The following SLC24A2 variants were observed in gnomAD, a reference collection of about 807,000 sequenced individuals.
SLC24A2 encodes the protein sodium/potassium/calcium exchanger 2.
SLC24A2 carries 36 observed loss-of-function variants against 62.0 expected under a neutral mutation model. That is an observed-to-expected ratio of 0.58 (90% confidence interval 0.44 to 0.77). The LOEUF is 0.77. Among genes scored for constraint, SLC24A2 ranks in the 30% least tolerant of loss-of-function variants. The probability of loss-of-function intolerance (pLI) is 0.00; values close to 1 mark genes in which losing one functional copy is unlikely to be tolerated. For missense variants in SLC24A2, 846 were observed against 817.9 expected (o/e 1.03, Z -0.42); for synonymous variants, 358 against 294.0 (o/e 1.22, Z -2.23).
intron 8 of SLC24A2, among the ~76,000 whole-genome samples, chr9:19,544,413 A>T (rs1834443806): frequency 6.6e-6 from 1 of 151,852 alleles, no homozygotes; most frequent in Admixed American, 6.6e-5. Flanking sequence ...TTAATTAGGG[A>T]ATTTATCACA....
In SLC24A2 at chr9:19,516,478, T is replaced by C. The variant is rs985581953; in HGVS notation, c.1737-76A>G. On this transcript the variant is annotated intron_variant, in intron 10 of 10. Transcript: ENST00000341998. ...TCAGACACGTTGAAGAAGGCAAATA[T>C]AACCTATTATTACCTTCTCAGGAAC... is the stretch of plus-strand genomic sequence containing the variant. The C allele has an allele frequency of 4.0e-6, 6 of 1,514,772 alleles. No homozygotes were observed. The East Asian group carries it at 1.2e-4, about 30-fold the overall frequency. The allele number at this position is 1,514,772 out of a possible 1,614,324, so 93.8% of individuals were successfully genotyped here.
chr9:19,564,425 G>A (rs1214738537), intron 7 of SLC24A2, among the ~76,000 whole-genome samples: 3 of 152,158 alleles, frequency 2.0e-5, no homozygotes, highest in Non-Finnish European at 4.4e-5. Context: ...CCTAAGAAGA[G>A]AAAGAGCTTA....
rs150257105 is a variant in SLC24A2, at chr9:19,652,454, G to A, written c.931-30155C>T. Among the ~76,000 whole-genome samples the A allele has an allele frequency of 9.6e-4, 146 of 151,962 alleles. 1 individual carries two copies. The East Asian group carries it at 0.027, about 28-fold the overall frequency. On this transcript the variant is annotated intron_variant, in intron 2 of 10. Coordinates refer to ENST00000341998, the MANE Select transcript of SLC24A2 (RefSeq NM_020344.4). ...AGGGTCCTCATAAGAGGGAGGCAAT[G>A]GAGTTAGAGAAAAAGGAGGTGTGAC... is the stretch of plus-strand genomic sequence containing the variant.
At chr9:19,530,157 G>T (rs534850399) in intron 8 of SLC24A2, among the ~76,000 whole-genome samples, 1 of 148,190 alleles carries the variant, frequency 6.7e-6, no homozygotes, top group Non-Finnish European at 1.5e-5. Flanking sequence ...GCTAAGAGAT[G>T]AAGTTTTCCA....
At chr9:19,995,437 G>A in the SLC24A2 span, among the ~76,000 whole-genome samples, 10 of 152,062 alleles carry the variant, frequency 6.6e-5, no homozygotes, top group African/African-American at 2.4e-4. Context: ...TATTCCCAGA[G>A]TACACTCATC....
the SLC24A2 span, among the ~76,000 whole-genome samples, chr9:20,030,247 A>G: frequency 6.6e-6 from 1 of 152,216 alleles, no homozygotes; most frequent in South Asian, 2.1e-4. Flanking sequence ...GTTCTATCAC[A>G]TTTGAAATTA....
At chr9:20,017,859 G>A in the SLC24A2 span, among the ~76,000 whole-genome samples, 5 of 152,214 alleles carry the variant, frequency 3.3e-5, no homozygotes, top group Admixed American at 6.5e-5. Context: ...TTTCCAGGTT[G>A]AGGGTGGGTC....
intron 2 of SLC24A2, among the ~76,000 whole-genome samples, chr9:19,743,487 A>G (rs1253873779): frequency 6.6e-6 from 1 of 152,148 alleles, no homozygotes; most frequent in African/African-American, 2.4e-5. Context: ...TTTGCTATTG[A>G]CCTAGGTTAG....
At chr9:20,093,089 T>A in the SLC24A2 span, among the ~76,000 whole-genome samples, 1 of 151,974 alleles carries the variant, frequency 6.6e-6, no homozygotes, top group Admixed American at 6.6e-5. Flanking sequence ...TTGTTTTTTT[T>A]AGACCGAGTT....
the SLC24A2 span, among the ~76,000 whole-genome samples, chr9:20,202,663 T>G: frequency 1.3e-5 from 2 of 152,164 alleles, no homozygotes; most frequent in East Asian, 3.9e-4. Flanking sequence ...ATTTAAATGC[T>G]CCAGAAAAGA....
the SLC24A2 span, among the ~76,000 whole-genome samples, chr9:19,964,276 G>T: frequency 6.6e-6 from 1 of 150,484 alleles, no homozygotes; most frequent in Admixed American, 6.6e-5. Flanking sequence ...GCTAAATGAC[G>T]AGTTAATGGG....
the SLC24A2 span, among the ~76,000 whole-genome samples, chr9:20,273,490 G>A: frequency 2.0e-5 from 3 of 152,156 alleles, no homozygotes; most frequent in Non-Finnish European, 4.4e-5. Context: ...ATTGAATCAT[G>A]GAGGCGAGTC....
intron 5 of SLC24A2, among the ~76,000 whole-genome samples, chr9:19,584,273 T>A (rs1836293833): frequency 3.3e-5 from 4 of 119,940 alleles, no homozygotes; most frequent in Non-Finnish European, 5.2e-5. Flanking sequence ...TAGCAAATAG[T>A]AAAAAAAAAA....
the SLC24A2 span, among the ~76,000 whole-genome samples, chr9:20,108,527 G>C: frequency 1.3e-5 from 2 of 152,180 alleles, no homozygotes; most frequent in African/African-American, 2.4e-5. Flanking sequence ...CATCAACAAT[G>C]ATGAGTTCAT....
At chr9:19,884,078 T>C in the SLC24A2 span, among the ~76,000 whole-genome samples, 1 of 152,230 alleles carries the variant, frequency 6.6e-6, no homozygotes, top group African/African-American at 2.4e-5. Context: ...ATGGTTGATA[T>C]GCCTACTTTT....
the SLC24A2 span, among the ~76,000 whole-genome samples, chr9:19,923,836 C>A: frequency 6.6e-6 from 1 of 152,162 alleles, no homozygotes; most frequent in African/African-American, 2.4e-5. Context: ...CAATCTCCGC[C>A]TCCCAGGTTC....
the SLC24A2 span, among the ~76,000 whole-genome samples, chr9:19,824,316 C>T: frequency 1.3e-5 from 2 of 152,024 alleles, no homozygotes. Context: ...GGAACTCAAA[C>T]AAATTTACAA....
At chr9:19,956,673 T>C in the SLC24A2 span, among the ~76,000 whole-genome samples, 3 of 152,156 alleles carry the variant, frequency 2.0e-5, no homozygotes, top group Non-Finnish European at 4.4e-5. Flanking sequence ...ATCAGACTTA[T>C]TCACTATCAC....
chr9:20,073,179 T>A, the SLC24A2 span, among the ~76,000 whole-genome samples: 1 of 152,188 alleles, frequency 6.6e-6, no homozygotes, highest in Non-Finnish European at 1.5e-5. Context: ...AGCTGTTGTC[T>A]GGGGCTGGAG....
Sources: gnomAD v4.1 joint callset for allele counts (sites outside exome capture counted in the v4.1 genomes callset) on GRCh38, gnomAD v4.1.1 for gene constraint, MANE v1.5 for transcripts, NCBI Gene and HGNC (gene_info 2026-07-23, HGNC 2026-07-21) for gene names.